Variants in TENM2 observed in about 807,000 individuals in gnomAD.
TENM2 encodes the protein teneurin transmembrane protein 2.
Under a neutral mutation model 245.2 loss-of-function variants are expected in TENM2, and 52 were observed. The observed-to-expected ratio is 0.21, with a 90% CI of 0.17 to 0.27. The LOEUF (loss-of-function observed/expected upper bound fraction) is 0.27. TENM2 is among the 10% of genes least tolerant of loss of function. TENM2 has a pLI of 1.00. For synonymous variants in TENM2, 1,363 were observed against 1,438.9 expected (o/e 0.95, Z 1.19); for missense variants, 3,046 against 3,666.8 (o/e 0.83, Z 4.37).
chr5:167,173,165 T>A, the TENM2 span, among the ~76,000 whole-genome samples: 2 of 152,332 alleles, frequency 1.3e-5, no homozygotes, highest in East Asian at 3.9e-4. Context: ...CACAGGTACC[T>A]GTGAGGCATA....
intron 2 of TENM2, among the ~76,000 whole-genome samples, chr5:167,753,928 C>T (rs957774089): frequency 6.6e-6 from 1 of 152,134 alleles, no homozygotes; most frequent in Admixed American, 6.6e-5. Context: ...CATTATGCTC[C>T]GTCAGTCATT....
chr5:167,806,396 G>GA (rs978989772), intron 2 of TENM2, among the ~76,000 whole-genome samples: 10 of 150,342 alleles, frequency 6.7e-5, no homozygotes, highest in Non-Finnish European at 1.0e-4. Context: ...TCACATTTAA[G>GA]AAAAAAAAAG....
At chr5:167,156,988 T>C in the TENM2 span, among the ~76,000 whole-genome samples, 1 of 152,158 alleles carries the variant, frequency 6.6e-6, no homozygotes, top group Non-Finnish European at 1.5e-5. Context: ...AAACCCACAT[T>C]TTTTTTAATT....
At chr5:168,075,341 G>A (rs933598323) in intron 7 of TENM2, among the ~76,000 whole-genome samples, 1 of 152,130 alleles carries the variant, frequency 6.6e-6, no homozygotes, top group Non-Finnish European at 1.5e-5. Context: ...GTTGATTGAT[G>A]GGGATTTGGG....
chr5:167,405,969 A>C (rs765662177), intron 2 of TENM2, among the ~76,000 whole-genome samples: 6 of 152,112 alleles, frequency 3.9e-5, no homozygotes, highest in Non-Finnish European at 7.4e-5. Context: ...TGTTTATCAT[A>C]GGCTGTTAAG....
At chr5:167,841,008 G>A (rs2151150813) in intron 2 of TENM2, among the ~76,000 whole-genome samples, 1 of 152,118 alleles carries the variant, frequency 6.6e-6, no homozygotes, top group East Asian at 1.9e-4. Context: ...ATCTAGGCAG[G>A]CTGTCCATTC....
At chr5:167,499,941 GGT>G (rs775336382) in intron 2 of TENM2, among the ~76,000 whole-genome samples, 3 of 117,044 alleles carry the variant, frequency 2.6e-5, no homozygotes, top group African/African-American at 6.6e-5. Flanking sequence ...TGTATGTGAG[GGT>G]GTGTGTGTGT....
chr5:167,366,724 C>G (rs1416544943), intron 1 of TENM2, among the ~76,000 whole-genome samples: 1 of 152,102 alleles, frequency 6.6e-6, no homozygotes, highest in Admixed American at 6.5e-5. Context: ...CATTTTGAAG[C>G]CTTCAGTAAC....
At chr5:168,156,612 G>T (rs1469406919) in intron 12 of TENM2, among the ~76,000 whole-genome samples, 1 of 152,062 alleles carries the variant, frequency 6.6e-6, no homozygotes, top group East Asian at 1.9e-4. Context: ...TTCTTCAAGT[G>T]CATTTATTTT....
intron 2 of TENM2, among the ~76,000 whole-genome samples, chr5:167,660,908 A>T (rs1755169909): frequency 1.3e-5 from 2 of 152,096 alleles, no homozygotes; most frequent in African/African-American, 4.8e-5. Flanking sequence ...GGTGCTGGGG[A>T]CTCATCTTTT....
At chr5:167,880,934 G>A (rs1406386442) in intron 3 of TENM2, among the ~76,000 whole-genome samples, 1 of 152,190 alleles carries the variant, frequency 6.6e-6, no homozygotes, top group African/African-American at 2.4e-5. Flanking sequence ...TTCAGGACCT[G>A]AAAAGCAGAT....
At chr5:167,647,516 G>T (rs1780041519) in intron 2 of TENM2, among the ~76,000 whole-genome samples, 1 of 151,930 alleles carries the variant, frequency 6.6e-6, no homozygotes, top group East Asian at 1.9e-4. Context: ...CCACCTACTC[G>T]AGAGGCTGAG....
chr5:168,153,583 CAG>C (rs1173767777), intron 12 of TENM2, among the ~76,000 whole-genome samples: 1 of 152,200 alleles, frequency 6.6e-6, no homozygotes, highest in Non-Finnish European at 1.5e-5. Flanking sequence ...CTACAGAGAA[CAG>C]AGACAAATGT....
At chr5:168,192,015 T>C (rs2152513067) in intron 14 of TENM2, among the ~76,000 whole-genome samples, 1 of 152,280 alleles carries the variant, frequency 6.6e-6, no homozygotes, top group African/African-American at 2.4e-5. Flanking sequence ...GAAAAAGAAA[T>C]AATAGAAAGG....
At chr5:167,034,646 A>AG in the TENM2 span, among the ~76,000 whole-genome samples, 1 of 151,418 alleles carries the variant, frequency 6.6e-6, no homozygotes, top group African/African-American at 2.4e-5. Flanking sequence ...AAAAAAAAAA[A>AG]AAAAAAAGAA....
At chr5:167,691,392 C>T (rs1167674522) in intron 2 of TENM2, among the ~76,000 whole-genome samples, 1 of 152,158 alleles carries the variant, frequency 6.6e-6, no homozygotes, top group Non-Finnish European at 1.5e-5. Context: ...TCCTGTTCTT[C>T]TGGGAAGTTT....
intron 14 of TENM2, 58 bp downstream of exon 16, chr5:168,190,605 C>T: frequency 6.7e-7 from 1 of 1,492,664 alleles, no homozygotes; most frequent in East Asian, 2.3e-5. Context: ...CCTGTTGGAG[C>T]CAGAGGCAGT....
At chr5:168,043,798 T>A (rs1788394248) in intron 5 of TENM2, among the ~76,000 whole-genome samples, 1 of 152,222 alleles carries the variant, frequency 6.6e-6, no homozygotes, top group African/African-American at 2.4e-5. Flanking sequence ...AAGTATGTGC[T>A]GAATTCAACA....
intron 12 of TENM2, among the ~76,000 whole-genome samples, chr5:168,157,506 G>A (rs756289787): frequency 6.6e-6 from 1 of 152,166 alleles, no homozygotes; most frequent in Non-Finnish European, 1.5e-5. Context: ...TAATGTGGTG[G>A]CAGTAGGGGT....
Sources: gnomAD v4.1 joint callset for allele counts (sites outside exome capture counted in the v4.1 genomes callset) on GRCh38, gnomAD v4.1.1 for gene constraint, MANE v1.5 for transcripts, NCBI Gene and HGNC (gene_info 2026-07-23, HGNC 2026-07-21) for gene names.